ALDH1L1: variants seen among roughly 807,000 people sequenced by gnomAD.
ALDH1L1 encodes the protein cytosolic 10-formyltetrahydrofolate dehydrogenase.
In ALDH1L1, 68 loss-of-function variants were observed where a neutral mutation model predicts 101.1. That is an observed-to-expected ratio of 0.67 (90% CI 0.55 to 0.82). The LOEUF (loss-of-function observed/expected upper bound fraction) is 0.82, where lower values mean the gene tolerates loss of function less well. Among genes scored for constraint, ALDH1L1 ranks in the 40% least tolerant of loss-of-function variants. The probability of loss-of-function intolerance (pLI) is 0.00; values close to 1 mark genes in which losing one functional copy is unlikely to be tolerated. For synonymous variants in ALDH1L1, 486 were observed against 470.8 expected, an observed-to-expected ratio of 1.03 and a Z score of -0.42; for missense variants, 1,087 against 1,172.7, an observed-to-expected ratio of 0.93 and a Z score of 1.07.
chr3:126,145,739 A>C (rs985017215), intron 9 of ALDH1L1, among the ~76,000 whole-genome samples: 50 of 152,216 alleles, frequency 3.3e-4, no homozygotes, highest in African/African-American at 1.2e-3. Context: ...AAAAGTTCTA[A>C]AGATCTGCTG....
chr3:126,128,010 C>A (rs2108227919), intron 14 of ALDH1L1, among the ~76,000 whole-genome samples: 1 of 152,132 alleles, frequency 6.6e-6, no homozygotes. Flanking sequence ...GACACAGGTG[C>A]AAGTGCTCAG....
chr3:126,180,714 C>A, upstream of ALDH1L1: 1 of 1,395,436 alleles, frequency 7.2e-7, no homozygotes, highest in Non-Finnish European at 9.3e-7. Context: ...CGCAGCGCAC[C>A]CTCTCCGGGC....
chr3:126,126,943 T>A (rs1397581041), intron 14 of ALDH1L1, among the ~76,000 whole-genome samples: 1 of 152,154 alleles, frequency 6.6e-6, no homozygotes, highest in African/African-American at 2.4e-5. Context: ...CAAGAGGGCA[T>A]GAGGCAGAGA....
chr3:126,107,062 C>T, intron 21 of ALDH1L1, 79 bp downstream of exon 21: 3 of 1,333,542 alleles, frequency 2.2e-6, no homozygotes, highest in African/African-American at 1.4e-5. Context: ...CCGTAGACTA[C>T]CTCCCAAAGC....
chr3:126,140,076 G>A (rs1181323530), intron 9 of ALDH1L1, among the ~76,000 whole-genome samples: 1 of 150,894 alleles, frequency 6.6e-6, no homozygotes, highest in Non-Finnish European at 1.5e-5. Flanking sequence ...TGAAGTCCAA[G>A]CAGGATCAAA....
At chr3:126,186,663 G>C (rs1024425740) in intron 1 of ALDH1L1, among the ~76,000 whole-genome samples, 2 of 148,974 alleles carry the variant, frequency 1.3e-5, no homozygotes, top group African/African-American at 5.1e-5. Context: ...TGTCCTTCCA[G>C]GACCCTCCAA....
intron 15 of ALDH1L1, among the ~76,000 whole-genome samples, chr3:126,125,184 G>T (rs1160944896): frequency 6.6e-6 from 1 of 152,166 alleles, no homozygotes; most frequent in African/African-American, 2.4e-5. Context: ...GTGCAGGGAT[G>T]GGGACCACGA....
At chr3:126,180,907 A>G (rs1460452311), upstream of ALDH1L1, 5 of 1,603,616 alleles carry the variant, frequency 3.1e-6, no homozygotes, top group Admixed American at 5.1e-5. Context: ...GACCCTCGCC[A>G]AGCCGGTGAC....
At chr3:126,118,271 C>T (rs2080015138) in intron 16 of ALDH1L1, among the ~76,000 whole-genome samples, 173 bp from the exon 17 acceptor site, 1 of 152,162 alleles carries the variant, frequency 6.6e-6, no homozygotes, top group South Asian at 2.1e-4. Context: ...CTATTAGGGG[C>T]TGAACTGTGT....
intron 17 of ALDH1L1, among the ~76,000 whole-genome samples, chr3:126,116,480 T>C (rs2079975189): frequency 6.6e-6 from 1 of 152,150 alleles, no homozygotes; most frequent in African/African-American, 2.4e-5. Context: ...AAACCCTCTG[T>C]CCAGCTCTGG....
Position 126,157,253 on chromosome 3 carries a change from C to G in ALDH1L1, c.528+90G>C, listed in dbSNP as rs942219647. On this transcript the variant is annotated intron_variant, in intron 4 of 22. Coordinates refer to ENST00000393434, the MANE Select transcript of ALDH1L1 (RefSeq NM_012190.4). ...GAATCCTGAATTTGGGGAACAGATT[C>G]CTGGCCTCCAGGAGCGGTGGGCTGG... is the stretch of plus-strand genomic sequence containing the variant. The G allele has an allele frequency of 1.0e-5, 15 of 1,454,990 alleles. No individual in the cohort carries two copies. In the East Asian group the frequency reaches 3.2e-4, roughly 31 times the overall value. The allele number at this position is 1,454,990 out of a possible 1,614,324, so 90.1% of individuals were successfully genotyped here.
intron 12 of ALDH1L1, among the ~76,000 whole-genome samples, chr3:126,134,048 C>T (rs1008237281): frequency 6.6e-6 from 1 of 152,218 alleles, no homozygotes; most frequent in African/African-American, 2.4e-5. Flanking sequence ...ATGTCTGATT[C>T]CTGCAGTGAA....
intron 19 of ALDH1L1, among the ~76,000 whole-genome samples, chr3:126,110,883 G>A (rs1210087812): frequency 3.9e-5 from 6 of 152,184 alleles, no homozygotes; most frequent in Admixed American, 2.0e-4. Flanking sequence ...TGAGCCTCCT[G>A]AACACTGGCC....
chr3:126,179,461 C>T (rs1156781662), intron 1 of ALDH1L1, among the ~76,000 whole-genome samples: 1 of 152,170 alleles, frequency 6.6e-6, no homozygotes, highest in Non-Finnish European at 1.5e-5. Context: ...GATCGTGCCA[C>T]TGCACTCCAG....
intron 4 of ALDH1L1, among the ~76,000 whole-genome samples, chr3:126,156,883 A>G (rs2080919620): frequency 1.3e-5 from 2 of 152,222 alleles, no homozygotes; most frequent in South Asian, 4.1e-4. Flanking sequence ...CCTGGAATCA[A>G]GAATTAGAAT....
Position 126,197,363 on chromosome 3 carries a change from AT to A in ALDH1L1, c.-24+371del, listed in dbSNP as rs916950402. ...TTTCCTAGATTAACTTAGCCAATGA[AT>A]TTTTTTTCCCACCTAAACGCACAAG... is the stretch of plus-strand genomic sequence containing the variant. On this transcript the variant is annotated intron_variant, in intron 1 of 2. Transcript: ENST00000509952. Among the ~76,000 whole-genome samples the A allele has an allele frequency of 9.5e-4, 145 of 152,198 alleles. 1 individual carries two copies. The highest frequency in any genetic ancestry group is 3.1e-3 in the African/African-American group (127 of 41,514).
At position 126,157,482 on chromosome 3, in the gene ALDH1L1, C is replaced by A; in HGVS notation, c.389G>T (p.Gly130Val). 1 of 1,614,046 alleles carries A rather than the reference C, an allele frequency of 6.2e-7. No individual in the cohort carries two copies. The highest frequency in any genetic ancestry group is 8.5e-7 in the Non-Finnish European group (1 of 1,179,990). Residue 130 changes from glycine (G) to valine (V), a missense_variant, in exon 4 of 23, where the codon GGG becomes GTG. By Grantham distance (109) the Gly-to-Val change is moderately radical (BLOSUM62 -3). Coordinates refer to ENST00000393434, the MANE Select transcript of ALDH1L1 (RefSeq NM_012190.4). ...NWTLIHGDKK[G>V]GFSIFWADDG... Reference sequence around the variant, plus strand: ...ATCCGCCCAGAAGATGGAAAACCCCCCTTTCTTATCTCCGTGAATGAGGGT... The same window carrying A: ...ATCCGCCCAGAAGATGGAAAACCCCACTTTCTTATCTCCGTGAATGAGGGT...
chr3:126,130,341 C>A, intron 13 of ALDH1L1, 48 bp from the exon 14 acceptor site: 1 of 1,514,608 alleles, frequency 6.6e-7, no homozygotes, highest in South Asian at 1.3e-5. Context: ...GGTCCACACC[C>A]CTTCCCCTCT....
upstream of ALDH1L1, chr3:126,180,824 G>A (rs2081463709): frequency 1.1e-5 from 17 of 1,538,582 alleles, no homozygotes; most frequent in Non-Finnish European, 1.5e-5. Context: ...GAATTCCCAG[G>A]GCTTTGAAAA....
Sources: allele counts gnomAD v4.1 joint callset (sites outside exome capture counted in the v4.1 genomes callset), GRCh38; gene constraint gnomAD v4.1.1; transcripts MANE v1.5; gene names NCBI Gene and HGNC (gene_info 2026-07-23, HGNC 2026-07-21).